The following FBXO42 variants were observed in gnomAD, a reference collection of about 807,000 sequenced individuals.
FBXO42 encodes F-box protein 42, also known as F-box only protein 42.
Under a neutral mutation model 71.7 loss-of-function variants are expected in FBXO42, and 12 were observed. That is an observed-to-expected ratio of 0.17 (90% CI 0.11 to 0.27). The LOEUF (loss-of-function observed/expected upper bound fraction) is 0.27, where lower values mean the gene tolerates loss of function less well. FBXO42 is among the 10% of genes least tolerant of loss of function. The pLI, the probability that FBXO42 is intolerant of heterozygous loss-of-function variation, is 1.00. For missense variants in FBXO42, 707 were observed against 911.9 expected (o/e 0.78, Z 2.89); for synonymous variants, 325 against 327.5 (o/e 0.99, Z 0.08).
chr1:16,259,055 G>A (rs2081681124), intron 4 of FBXO42, among the ~76,000 whole-genome samples: 2 of 152,064 alleles, frequency 1.3e-5, no homozygotes, highest in African/African-American at 4.8e-5. Context: ...TCTTCTCTAG[G>A]AAGAGTTATC....
intron 1 of FBXO42, among the ~76,000 whole-genome samples, chr1:16,322,445 G>T (rs1033126551): frequency 3.3e-5 from 5 of 152,068 alleles, no homozygotes; most frequent in African/African-American, 9.7e-5. Flanking sequence ...GCGTGCAGGC[G>T]CATGCCTGTA....
chr1:16,346,691 G>GA (rs557312285), intron 1 of FBXO42, among the ~76,000 whole-genome samples: 2,243 of 114,030 alleles, frequency 0.02, 41 homozygotes, highest in African/African-American at 0.052. Context: ...CCGTCTCGGG[G>GA]AAAAAAAAAA....
chr1:16,271,266 T>A (rs779545276), intron 4 of FBXO42, among the ~76,000 whole-genome samples: 1 of 105,200 alleles, frequency 9.5e-6, no homozygotes, highest in Non-Finnish European at 2.3e-5. Context: ...TTGGTGTGTG[T>A]GTGTGTGTGT....
At chr1:16,308,589 T>G (rs2082279341) in intron 2 of FBXO42, among the ~76,000 whole-genome samples, 1 of 148,820 alleles carries the variant, frequency 6.7e-6, no homozygotes, top group South Asian at 2.1e-4. Context: ...AATCTCTGCC[T>G]CCTGAGCACA....
chr1:16,349,949 T>C (rs55687829), intron 1 of FBXO42, among the ~76,000 whole-genome samples: 12,308 of 152,272 alleles, frequency 0.081, 721 homozygotes, highest in East Asian at 0.15. Context: ...AGATAGCTTC[T>C]CCCTGGGACC....
chr1:16,294,959 G>T, intron 3 of FBXO42, 42 bp from the exon 4 acceptor site: 2 of 1,544,976 alleles, frequency 1.3e-6, no homozygotes, highest in Non-Finnish European at 1.7e-6. Context: ...AAAATTCTGA[G>T]GCCCTTCCAA....
At chr1:16,324,013 T>C (rs1184741865) in intron 1 of FBXO42, among the ~76,000 whole-genome samples, 1 of 152,048 alleles carries the variant, frequency 6.6e-6, no homozygotes, top group Non-Finnish European at 1.5e-5. Flanking sequence ...AAGTACTAAA[T>C]GCTACTCTTG....
intron 2 of FBXO42, among the ~76,000 whole-genome samples, chr1:16,314,465 T>A (rs1416723624): frequency 6.6e-6 from 1 of 152,326 alleles, no homozygotes; most frequent in South Asian, 2.1e-4. Context: ...TAACTGTGTT[T>A]CACTCAGTTC....
chr1:16,274,427 G>A (rs2081876629), intron 4 of FBXO42, among the ~76,000 whole-genome samples: 2 of 152,002 alleles, frequency 1.3e-5, no homozygotes, highest in African/African-American at 2.4e-5. Context: ...GGGGCATGAG[G>A]GGGCTTTTTT....
At chr1:16,327,985 C>T (rs2082464755) in intron 1 of FBXO42, among the ~76,000 whole-genome samples, 1 of 152,012 alleles carries the variant, frequency 6.6e-6, no homozygotes. Context: ...ACGTGTGTGA[C>T]CCACTTTGCC....
intron 4 of FBXO42, among the ~76,000 whole-genome samples, chr1:16,282,759 T>C (rs1161363403): frequency 6.6e-6 from 1 of 151,490 alleles, no homozygotes; most frequent in Non-Finnish European, 1.5e-5. Context: ...GGCGGGCAGA[T>C]CACCTGAGGT....
In FBXO42 at chr1:16,251,882, C is replaced by A; in HGVS notation, c.1039-97G>T. ...TCATGAGCATCTGTCATGTGCCAGA[C>A]ATTTTGTAGGTACCTGAGATATGAA... is the stretch of plus-strand genomic sequence containing the variant. On this transcript the variant is annotated intron_variant, in intron 9 of 9. Coordinates refer to ENST00000375592, the MANE Select transcript of FBXO42 (RefSeq NM_018994.3). The surrounding 1 kb of genome is among the most constrained non-coding windows in gnomAD (Gnocchi z 4.5). 1 of 1,438,542 alleles carries A rather than the reference C, an allele frequency of 7.0e-7. No homozygotes were observed. The allele number at this position is 1,438,542 out of a possible 1,614,324, so 89.1% of individuals were successfully genotyped here. A position where few individuals can be genotyped will look rare whatever the true frequency, so the allele number is the denominator to read the frequency against.
chr1:16,295,623 C>A (rs1451796924), intron 3 of FBXO42, among the ~76,000 whole-genome samples: 1 of 152,092 alleles, frequency 6.6e-6, no homozygotes, highest in African/African-American at 2.4e-5. Flanking sequence ...GAACTCCTGA[C>A]CTCAGGTGAT....
intron 1 of FBXO42, among the ~76,000 whole-genome samples, chr1:16,323,130 T>C (rs915811689): frequency 2.6e-5 from 4 of 152,200 alleles, no homozygotes; most frequent in South Asian, 4.1e-4. Context: ...GGTTAAAAAA[T>C]GTAATTGGCC....
intron 1 of FBXO42, among the ~76,000 whole-genome samples, chr1:16,321,503 T>G (rs2082408923): frequency 6.6e-6 from 1 of 152,220 alleles, no homozygotes; most frequent in Non-Finnish European, 1.5e-5. Context: ...GAAGTCCTTC[T>G]CACCCTTCAC....
At position 16,251,239 on chromosome 1, in the gene FBXO42, GTCTCATACT is replaced by G. The variant is rs773606752; in HGVS notation, c.1576_1584del (p.Ser526_Arg528del). 7.5e-5 allele frequency: 121 copies of G among 1,614,100 alleles called. No homozygotes were observed. Among genetic ancestry groups the G allele is most frequent in the Middle Eastern group, 1.6e-4 (1 of 6,082 alleles). On this transcript the variant is annotated inframe_deletion, in exon 10 of 10. Coordinates refer to ENST00000375592, the MANE Select transcript of FBXO42 (RefSeq NM_018994.3). This position sits in a 1 kb window ranked among gnomAD's most constrained non-coding sequence, Gnocchi z 4.5. ...ACACCATTTGTCTGTTCAGGAGGGT[GTCTCATACT>G]TCCCCCAACTGTCCTATTGTCCATG...
intron 1 of FBXO42, among the ~76,000 whole-genome samples, chr1:16,350,868 T>C (rs2082697821): frequency 6.6e-6 from 1 of 152,098 alleles, no homozygotes; most frequent in Admixed American, 6.6e-5. Flanking sequence ...AACATGCCTA[T>C]GGATCAATGT....
intron 4 of FBXO42, among the ~76,000 whole-genome samples, chr1:16,268,227 T>C (rs1338796796): frequency 6.6e-6 from 1 of 152,210 alleles, no homozygotes; most frequent in African/African-American, 2.4e-5. Context: ...AGAAAAATCC[T>C]TGTCAGCCCT....
At chr1:16,293,541 C>T (rs2082100834) in intron 4 of FBXO42, 1 of 152,178 alleles carries the variant, frequency 6.6e-6, no homozygotes, top group Non-Finnish European at 1.5e-5. Flanking sequence ...CATCTGCAGA[C>T]TGGACCACCA....
Sources: allele counts gnomAD v4.1 joint callset (sites outside exome capture counted in the v4.1 genomes callset), GRCh38; gene constraint gnomAD v4.1.1; non-coding constraint Gnocchi (gnomAD v3.1); transcripts MANE v1.5; gene names NCBI Gene and HGNC (gene_info 2026-07-23, HGNC 2026-07-21).